ARHGEF17: variants seen among roughly 807,000 people sequenced by gnomAD.
ARHGEF17 encodes 164 kDa Rho-specific guanine-nucleotide exchange factor.
Under a neutral mutation model 174.0 loss-of-function variants are expected in ARHGEF17, and 80 were observed. The observed-to-expected ratio is 0.46, with a 90% confidence interval of 0.38 to 0.55. ARHGEF17 has a LOEUF of 0.55. Ranked by LOEUF, ARHGEF17 falls within the 20% of genes least tolerant of loss-of-function variation. The pLI, the probability that ARHGEF17 is intolerant of heterozygous loss-of-function variation, is 0.00. For missense variants in ARHGEF17, 2,886 were observed against 2,839.7 expected (o/e 1.02, Z -0.37); for synonymous variants, 1,311 against 1,189.1 (o/e 1.10, Z -2.11).
chr11:73,361,686 T>C (rs1416631744), intron 12 of ARHGEF17, among the ~76,000 whole-genome samples: 1 of 151,996 alleles, frequency 6.6e-6, no homozygotes, highest in African/African-American at 2.4e-5. Context: ...AGACCCTATC[T>C]CTACAAAAAA....
Position 73,355,568 on chromosome 11 carries a change from C to G in ARHGEF17, c.3489C>G (p.Ala1163=), listed in dbSNP as rs1247758899. The part of the protein sequence containing the change: ...SKDVLVNIYS[A]YIDNFLNAKD... ...ATGTCCTAGTAAACATCTATTCTGC[C>G]TATATCGATAACTTCCTCAATGCAA... is the stretch of plus-strand genomic sequence containing the variant. Residue 1163 remains alanine (A), a synonymous_variant, in exon 4 of 21, where the codon GCC becomes GCG. Transcript: ENST00000263674. 1 of 1,614,174 alleles carries G rather than the reference C, an allele frequency of 6.2e-7. No homozygotes were observed. The highest frequency in any genetic ancestry group is 1.7e-5 in the Admixed American group (1 of 60,026).
rs1407880530 is a variant in ARHGEF17, at chr11:73,309,545, G to C, written c.907G>C (p.Asp303His). The C allele has an allele frequency of 3.8e-6, 6 of 1,598,248 alleles. No homozygotes were observed. Among genetic ancestry groups the C allele is most frequent in the Admixed American group, 3.4e-5 (2 of 59,466 alleles). ...PGLRPGSSLL[D>H]QDCRPDSDGL... Reference sequence around the variant, plus strand: ...GCTCAGGCCTGGAAGCTCCCTATTGGATCAGGACTGCAGGCCTGACAGTGA... The same window carrying C: ...GCTCAGGCCTGGAAGCTCCCTATTGCATCAGGACTGCAGGCCTGACAGTGA... Residue 303 changes from aspartate to histidine, a missense_variant, in exon 1 of 21, where the codon GAT becomes CAT. Asp to His is a moderately conservative substitution (Grantham distance 81). This residue lies in a region of ARHGEF17 where 1,728 missense variants were observed against 1,461.2 expected (regional missense o/e 1.18). Coordinates refer to ENST00000263674, the MANE Select transcript of ARHGEF17 (RefSeq NM_014786.4).
intron 11 of ARHGEF17, among the ~76,000 whole-genome samples, 191 bp downstream of exon 11, chr11:73,360,724 G>A (rs1159969872): frequency 6.6e-6 from 1 of 152,202 alleles, no homozygotes; most frequent in African/African-American, 2.4e-5. Context: ...CTGGCAGGGA[G>A]GGGATTCCAT....
At chr11:73,338,253 A>T (rs1865316618) in intron 1 of ARHGEF17, among the ~76,000 whole-genome samples, 1 of 152,150 alleles carries the variant, frequency 6.6e-6, no homozygotes. Context: ...CTGAGGCCCC[A>T]AGAAGTGAAG....
intron 1 of ARHGEF17, among the ~76,000 whole-genome samples, chr11:73,333,618 G>C (rs1865244043): frequency 6.6e-6 from 1 of 152,238 alleles, no homozygotes; most frequent in African/African-American, 2.4e-5. Flanking sequence ...GGTTATGCCA[G>C]AGTCCCCAGG....
intron 7 of ARHGEF17, 74 bp downstream of exon 7, chr11:73,356,833 AC>A: frequency 6.3e-7 from 1 of 1,596,886 alleles, no homozygotes; most frequent in Admixed American, 1.7e-5. Flanking sequence ...CACACCCTCT[AC>A]CTGCAGGTCT....
chr11:73,325,242 C>T (rs768059823), intron 1 of ARHGEF17, among the ~76,000 whole-genome samples: 1 of 152,212 alleles, frequency 6.6e-6, no homozygotes, highest in African/African-American at 2.4e-5. Flanking sequence ...GCCTCCTGCC[C>T]TGTCTCCCTC....
intron 1 of ARHGEF17, among the ~76,000 whole-genome samples, chr11:73,326,439 C>T (rs118029365): frequency 6.6e-6 from 1 of 152,296 alleles, no homozygotes; most frequent in South Asian, 2.1e-4. Flanking sequence ...AATTTCCAAG[C>T]TCACGGCTGT....
At position 73,310,477 on chromosome 11, in the gene ARHGEF17, C is replaced by A; in HGVS notation, c.1839C>A (p.Ser613Arg). 6.2e-7 allele frequency: 1 copy of A among 1,613,994 alleles called. No individual in the cohort carries two copies. The highest frequency in any genetic ancestry group is 1.1e-5 in the South Asian group (1 of 91,086). ...QRMGAQQDDG[S>R]DAPPGSPDWA... ...TGGGTGCCCAACAAGATGATGGAAG[C>A]GATGCCCCCCCTGGAAGCCCTGACT... The change falls in exon 1 of 21, where the codon AGC (serine) becomes AGA (arginine). Residue 613 changes from serine (S) to arginine (R), a missense_variant. Around this residue, in one of 4 missense-constraint regions of ARHGEF17, gnomAD observed 1,728 missense variants for 1,461.2 expected, o/e 1.18. Coordinates refer to ENST00000263674, the MANE Select transcript of ARHGEF17 (RefSeq NM_014786.4).
In ARHGEF17 at chr11:73,368,539, G is replaced by A. The variant is rs1865880203; in HGVS notation, c.*759G>A. On this transcript the variant is annotated 3_prime_UTR_variant, in exon 21 of 21. Transcript: ENST00000263674. ...AGGCTTTGTCATTTCCCAGTTTGTT[G>A]GTGGTGCCTTTAGTGGTTCCCTAAT... 1 of 152,270 alleles carries A rather than the reference G, an allele frequency of 6.6e-6. No individual in the cohort carries two copies. The highest frequency in any genetic ancestry group is 2.4e-5 in the African/African-American group (1 of 41,454). The allele number at this position is 152,270 out of a possible 1,614,324, so 9.4% of individuals were successfully genotyped here.
intron 20 of ARHGEF17, among the ~76,000 whole-genome samples, chr11:73,366,374 T>C (rs901732255): frequency 6.6e-6 from 1 of 151,948 alleles, no homozygotes; most frequent in Admixed American, 6.6e-5. Flanking sequence ...GAAATAGAAA[T>C]AGCAACAGAA....
intron 1 of ARHGEF17, among the ~76,000 whole-genome samples, chr11:73,325,236 C>T (rs1042687488): frequency 6.6e-6 from 1 of 152,242 alleles, no homozygotes; most frequent in Non-Finnish European, 1.5e-5. Context: ...CCCCCAGCCT[C>T]CTGCCCTGTC....
chr11:73,347,797 A>G (rs1865489709), intron 2 of ARHGEF17, among the ~76,000 whole-genome samples: 1 of 152,222 alleles, frequency 6.6e-6, no homozygotes, highest in South Asian at 2.1e-4. Flanking sequence ...GGTGGGTGGC[A>G]GAAGAGGAGG....
At chr11:73,360,779 C>T (rs1405587144) in intron 11 of ARHGEF17, among the ~76,000 whole-genome samples, 2 of 152,046 alleles carry the variant, frequency 1.3e-5, no homozygotes, top group Non-Finnish European at 1.5e-5. Flanking sequence ...TAGTGGGCAC[C>T]GATAGCCAAG....
intron 1 of ARHGEF17, among the ~76,000 whole-genome samples, chr11:73,313,532 C>T (rs749541051): frequency 4.6e-5 from 7 of 152,170 alleles, no homozygotes; most frequent in African/African-American, 1.4e-4. Context: ...TTCTCCTGCC[C>T]CACCTCCCTT....
chr11:73,343,140 C>T, intron 1 of ARHGEF17: 1 of 393,228 alleles, frequency 2.5e-6, no homozygotes, highest in Non-Finnish European at 4.5e-6. Flanking sequence ...GCTGGCCGGC[C>T]GCATGCTGCA....
In ARHGEF17 at chr11:73,311,878, G is replaced by A. The variant is rs373407712; in HGVS notation, c.3192+48G>A. The A allele has an allele frequency of 7.4e-5, 114 of 1,542,462 alleles. No individual in the cohort carries two copies. The Admixed American group carries it at 1.3e-3, about 18-fold the overall frequency. On this transcript the variant is annotated intron_variant, in intron 1 of 20. Coordinates refer to ENST00000263674, the MANE Select transcript of ARHGEF17 (RefSeq NM_014786.4). The stretch of plus-strand genomic sequence containing the variant: ...CAGATTGGGGCCAAAGAAGGGCCAT[G>A]GGCACCGACTTCGGTTGGAGCCTTT...
At chr11:73,361,928 A>T in intron 12 of ARHGEF17, 112 bp from the exon 13 acceptor site, 1 of 1,275,762 alleles carries the variant, frequency 7.8e-7, no homozygotes. Flanking sequence ...ATCCACACAC[A>T]CACACCCATG....
At position 73,346,958 on chromosome 11, in the gene ARHGEF17, C is replaced by A; in HGVS notation, c.3268C>A (p.Gln1090Lys). 6.3e-7 allele frequency: 1 copy of A among 1,587,236 alleles called. No individual in the cohort carries two copies. Residue 1090 changes from glutamine to lysine, a missense_variant and splice_region_variant, in exon 2 of 21, where the codon CAG becomes AAG. Around this residue, in one of 4 missense-constraint regions of ARHGEF17, gnomAD observed 353 missense variants for 470.3 expected, o/e 0.75. Transcript: ENST00000263674. ...SYVESLRTLM[Q>K]GYMQPLKQPE... ...TGTGGAGTCGCTGCGCACCCTGATG[C>A]AGGTGGGGCTCGGGGCCCACTCCCC...
Sources: allele counts gnomAD v4.1 joint callset (sites outside exome capture counted in the v4.1 genomes callset), GRCh38; gene constraint gnomAD v4.1.1; regional missense constraint gnomAD v4.1.1; transcripts MANE v1.5; gene names NCBI Gene and HGNC (gene_info 2026-07-23, HGNC 2026-07-21).